The following COL13A1 variants were observed in gnomAD, a reference collection of about 807,000 sequenced individuals.
COL13A1 encodes the protein collagen type XIII alpha 1 chain, also known as collagen alpha-1(XIII) chain.
COL13A1 carries 89 observed loss-of-function variants against 130.9 expected under a neutral mutation model. The ratio of observed to expected loss-of-function variants is 0.68; its 90% CI spans 0.57 to 0.81. The LOEUF (loss-of-function observed/expected upper bound fraction) is 0.81, where lower values mean the gene tolerates loss of function less well. Among genes scored for constraint, COL13A1 ranks in the 30% least tolerant of loss-of-function variants. COL13A1 has a pLI of 0.00. For synonymous variants in COL13A1, 402 were observed against 341.6 expected, an observed-to-expected ratio of 1.18 and a Z score of -1.95; for missense variants, 879 against 934.6, an observed-to-expected ratio of 0.94 and a Z score of 0.78.
chr10:69,897,552 C>T (rs1367454950), intron 13 of COL13A1: 1 of 1,613,206 alleles, frequency 6.2e-7, no homozygotes, highest in East Asian at 2.2e-5. Context: ...TCTGGAAGGT[C>T]TCCGGGCCCC....
chr10:69,851,718 G>A (rs117959097), intron 2 of COL13A1, among the ~76,000 whole-genome samples: 6,043 of 152,166 alleles, frequency 0.04, 324 homozygotes, highest in African/African-American at 0.12. Context: ...GCAGCAGTGC[G>A]ATCTCAGCTC....
chr10:69,952,742 C>A, intron 38 of COL13A1, 140 bp from the exon 39 acceptor site: 7 of 587,188 alleles, frequency 1.2e-5, no homozygotes, highest in East Asian at 3.8e-5. Context: ...GACTCCAAAT[C>A]CTACTGGGGA....
chr10:69,872,107 A>G (rs1276938108), intron 3 of COL13A1, 77 bp from the exon 4 acceptor site: 3 of 1,565,106 alleles, frequency 1.9e-6, no homozygotes, highest in Non-Finnish European at 2.6e-6. Flanking sequence ...AAGGTCACAC[A>G]GCTGGTTGAG....
chr10:69,835,813 A>G (rs1589336885), intron 2 of COL13A1, among the ~76,000 whole-genome samples: 1 of 152,366 alleles, frequency 6.6e-6, no homozygotes, highest in East Asian at 1.9e-4. Flanking sequence ...ATAAGGCTGG[A>G]GGACATTAAT....
rs2068088443 is a variant in COL13A1, at chr10:69,944,178, GGTGA to G, written c.1968+4_1968+7del. The G allele has an allele frequency of 1.2e-6, 2 of 1,613,450 alleles. No individual in the cohort carries two copies. Among genetic ancestry groups the G allele is most frequent in the Non-Finnish European group, 1.7e-6 (2 of 1,179,710 alleles). On this transcript the variant is annotated splice_donor_variant and splice_donor_region_variant and intron_variant, in intron 36 of 40. Transcript: ENST00000645393. LOFTEE classifies it high-confidence loss of function. ...GCCCAGCGGGACCAAAGGGCGAGAG[GGTGA>G]GTGTCACTGAGCCAGGGGCCTGGGC... is the stretch of plus-strand genomic sequence containing the variant.
chr10:69,861,623 C>T (rs192987838), intron 2 of COL13A1, among the ~76,000 whole-genome samples: 49 of 152,326 alleles, frequency 3.2e-4, no homozygotes, highest in African/African-American at 9.9e-4. Context: ...CCTCCTGCTT[C>T]GTCTACTTGC....
chr10:69,848,800 G>A (rs775512372), intron 2 of COL13A1, among the ~76,000 whole-genome samples: 1 of 152,094 alleles, frequency 6.6e-6, no homozygotes, highest in African/African-American at 2.4e-5. Flanking sequence ...GTGCCAAGGG[G>A]GTCACTTAAG....
intron 2 of COL13A1, among the ~76,000 whole-genome samples, chr10:69,832,965 G>A (rs1849164737): frequency 6.6e-6 from 1 of 152,208 alleles, no homozygotes; most frequent in Non-Finnish European, 1.5e-5. Flanking sequence ...CATTGTCCAA[G>A]GAACTCTCCA....
chr10:69,923,826 G>A lies in COL13A1; in HGVS notation c.1255G>A (p.Val419Ile). The A allele has an allele frequency of 1.2e-6, 2 of 1,611,964 alleles. No homozygotes were observed. The highest frequency in any genetic ancestry group is 1.7e-6 in the Non-Finnish European group (2 of 1,179,228). ...GGGAGAAGCAGGTGTCGATGGCCAG[G>A]TTGGCCCCCCAGGGCAGCCAGGAGA... Reference protein sequence around the residue: ...PKGEAGVDGQVGPPGQPGDKG... With the variant: ...PKGEAGVDGQIGPPGQPGDKG... The change falls in exon 24 of 41, where the codon GTT becomes ATT. Residue 419 changes from valine to isoleucine, a missense_variant. Transcript: ENST00000645393.
chr10:69,839,608 C>G (rs1175514299), intron 2 of COL13A1, among the ~76,000 whole-genome samples: 1 of 152,170 alleles, frequency 6.6e-6, no homozygotes, highest in South Asian at 2.1e-4. Context: ...GAACTTGTCA[C>G]AGCATAAAGC....
chr10:69,804,284 A>T (rs960227081), intron 1 of COL13A1, among the ~76,000 whole-genome samples: 13 of 152,156 alleles, frequency 8.5e-5, no homozygotes, highest in Non-Finnish European at 1.9e-4. Flanking sequence ...GGTTTAGCAC[A>T]GCCCCTCTCT....
intron 2 of COL13A1, among the ~76,000 whole-genome samples, chr10:69,850,863 C>A (rs572598747): frequency 2.0e-5 from 3 of 152,368 alleles, no homozygotes; most frequent in Admixed American, 2.0e-4. Flanking sequence ...GGGGGCCAGG[C>A]CATGAAGGGG....
intron 17 of COL13A1, among the ~76,000 whole-genome samples, chr10:69,906,962 C>A (rs1347140103): frequency 2.0e-5 from 3 of 152,138 alleles, no homozygotes; most frequent in Admixed American, 6.5e-5. Context: ...GTCTCTTGAC[C>A]TCATGATCTG....
At position 69,820,272 on chromosome 10, in the gene COL13A1, C is replaced by T. The variant is rs540322924; in HGVS notation, c.295-2097C>T. Among the ~76,000 whole-genome samples the T allele has an allele frequency of 1.0e-3, 157 of 152,340 alleles. 1 individual carries two copies. The highest frequency in any genetic ancestry group is 0.01 in the Admixed American group (155 of 15,308). Reference sequence around the variant, plus strand: ...GCCCCATGAGGATGGAGCAGGGGCACCACCCACTCATGCCACAAATTCTGT... The same window carrying T: ...GCCCCATGAGGATGGAGCAGGGGCATCACCCACTCATGCCACAAATTCTGT... On this transcript the variant is annotated intron_variant, in intron 1 of 40. Coordinates refer to ENST00000645393, the MANE Select transcript of COL13A1 (RefSeq NM_001368882.1).
intron 40 of COL13A1, among the ~76,000 whole-genome samples, chr10:69,957,968 G>A (rs566590597): frequency 7.2e-5 from 11 of 152,286 alleles, no homozygotes; most frequent in African/African-American, 2.2e-4. Flanking sequence ...CTTACAATGA[G>A]ATGAACAAGC....
At chr10:69,869,798 A>T (rs1294901716) in intron 3 of COL13A1, among the ~76,000 whole-genome samples, 1 of 152,238 alleles carries the variant, frequency 6.6e-6, no homozygotes, top group Non-Finnish European at 1.5e-5. Context: ...ATTTCCTAAT[A>T]CTGGGAACTA....
chr10:69,917,377 C>A (rs755670131), intron 18 of COL13A1, 44 bp downstream of exon 18: 2 of 1,544,192 alleles, frequency 1.3e-6, no homozygotes, highest in Non-Finnish European at 1.8e-6. Context: ...CAAGGCCCCT[C>A]CCCCAGTGCC....
At position 69,920,488 on chromosome 10, in the gene COL13A1, T is replaced by C. The variant is rs559542994; in HGVS notation, c.1089+761T>C. Reference sequence around the variant, plus strand: ...CACCTCCAGTGTGGCTGTATTTAGATAGGGCCTTGGGGAGGTCATTAAGGT... The same window carrying C: ...CACCTCCAGTGTGGCTGTATTTAGACAGGGCCTTGGGGAGGTCATTAAGGT... On this transcript the variant is annotated intron_variant, in intron 21 of 40. Transcript: ENST00000645393. 7.9e-5 allele frequency among the ~76,000 whole-genome samples: 12 copies of C among 152,294 alleles called. No individual in the cohort carries two copies. In the South Asian group the frequency reaches 2.3e-3, roughly 29 times the overall value.
At chr10:69,829,123 C>T in intron 2 of COL13A1, 1 of 535,398 alleles carries the variant, frequency 1.9e-6, no homozygotes, top group Non-Finnish European at 2.4e-6. Context: ...TAAGCCATGA[C>T]CTGGGCTTCA....
Sources: allele counts gnomAD v4.1 joint callset (sites outside exome capture counted in the v4.1 genomes callset), GRCh38; gene constraint gnomAD v4.1.1; transcripts MANE v1.5; gene names NCBI Gene and HGNC (gene_info 2026-07-23, HGNC 2026-07-21).